APOOL: variants seen among roughly 807,000 people sequenced by gnomAD.
APOOL encodes the protein apolipoprotein O like, also known as MICOS complex subunit MIC27.
A neutral mutation model predicts 23.1 loss-of-function variants in APOOL; 12 were observed. The observed-to-expected ratio is 0.52, with a 90% CI of 0.33 to 0.84. The LOEUF (loss-of-function observed/expected upper bound fraction) is 0.84. APOOL is among the 40% of genes least tolerant of loss of function. The pLI is 0.02. For synonymous variants in APOOL, 77 were observed against 69.9 expected, an observed-to-expected ratio of 1.10 and a Z score of -0.51; for missense variants, 212 against 199.6, an observed-to-expected ratio of 1.06 and a Z score of -0.37.
intron 1 of APOOL, among the ~76,000 whole-genome samples, chrX:85,014,207 G>A (rs1222651162): frequency 3.6e-5 from 4 of 111,190 alleles, no homozygotes; most frequent in Non-Finnish European, 7.6e-5. Context: ...TTAAGTATAT[G>A]TGAGTCCTTA....
intron 3 of APOOL, 21 bp from the exon 4 acceptor site, chrX:85,054,323 C>T (rs765849247): frequency 2.6e-6 from 3 of 1,169,441 alleles, no homozygotes; most frequent in Non-Finnish European, 3.4e-6. Flanking sequence ...AGATGTCTTC[C>T]CCCCCTTTTT....
chrX:85,041,828 C>T (rs1922408127), intron 1 of APOOL, among the ~76,000 whole-genome samples: 1 of 110,522 alleles, frequency 9.0e-6, no homozygotes, highest in South Asian at 4.0e-4. Context: ...TGGTGAGGAG[C>T]CCCCCCTTGT....
At chrX:85,081,277 A>G (rs868405408) in intron 8 of APOOL, among the ~76,000 whole-genome samples, 1 of 111,761 alleles carries the variant, frequency 8.9e-6, no homozygotes, top group Middle Eastern at 4.6e-3. Context: ...CTTTTAAGAC[A>G]GGCCTGATGT....
Position 85,087,592 on chromosome X carries a change from G to C in APOOL, c.721G>C (p.Ala241Pro). ...TTTTCATTTTAATACTTTATCAGGT[G>C]CAACCCAGTTTATGCCTGACCCCAA... ...AKTKSESTSG[A>P]TQFMPDPKLM... The change falls in exon 9 of 9, where the codon GCA becomes CCA. Residue 241 changes from alanine (A) to proline (P), a missense_variant and splice_region_variant. Transcript: ENST00000373173. 1 of 1,195,436 alleles carries C rather than the reference G, an allele frequency of 8.4e-7. No homozygotes were observed. The highest frequency in any genetic ancestry group is 1.1e-6 in the Non-Finnish European group (1 of 887,438).
At chrX:85,082,768 A>G (rs1924157656) in intron 8 of APOOL, among the ~76,000 whole-genome samples, 2 of 112,075 alleles carry the variant, frequency 1.8e-5, no homozygotes, top group African/African-American at 6.5e-5. Flanking sequence ...AATATTTACT[A>G]CTGACCTTTT....
At chrX:85,057,968 C>A (rs951825286) in intron 5 of APOOL, among the ~76,000 whole-genome samples, 7 of 110,986 alleles carry the variant, frequency 6.3e-5, no homozygotes, top group Admixed American at 1.9e-4. Flanking sequence ...AATGTCAGAG[C>A]TAGAATAATC....
At chrX:85,027,198 C>A (rs1335034256) in intron 1 of APOOL, among the ~76,000 whole-genome samples, 1 of 110,678 alleles carries the variant, frequency 9.0e-6, no homozygotes, top group Non-Finnish European at 1.9e-5. Context: ...CAAGAGAAGT[C>A]GGGGGAGGGA....
At position 85,088,121 on chromosome X, in the gene APOOL, A is replaced by ATACATATTTATACATATATGT. The variant is rs1924397991; in HGVS notation, c.*443_*444insTACATATTTATACATATATGT. On this transcript the variant is annotated 3_prime_UTR_variant, in exon 9 of 9. Coordinates refer to ENST00000373173, the MANE Select transcript of APOOL (RefSeq NM_198450.6). ...ATACATATTTATACATATATGTATA[A>ATACATATTTATACATATATGT]ATACATACATATTTATACATATATG... 1 of 14,523 alleles carries ATACATATTTATACATATATGT rather than the reference A, an allele frequency of 6.9e-5. No individual in the cohort carries two copies. The highest frequency in any genetic ancestry group is 1.2e-4 in the Non-Finnish European group (1 of 8,638). 1.2% of individuals were successfully genotyped at this position (14,523 alleles called of 1,213,427 possible).
At chrX:85,007,041 G>T (rs756051457) in intron 1 of APOOL, among the ~76,000 whole-genome samples, 4 of 111,704 alleles carry the variant, frequency 3.6e-5, no homozygotes, top group Non-Finnish European at 7.5e-5. Context: ...AAGAACGGAG[G>T]AGGTAGAGGA....
chrX:85,034,327 C>T (rs1397704198), intron 1 of APOOL, among the ~76,000 whole-genome samples: 2 of 110,788 alleles, frequency 1.8e-5, no homozygotes, highest in East Asian at 2.8e-4. Context: ...GTAATAAAAC[C>T]GATTATTGAA....
At chrX:85,015,267 T>C (rs1047273446) in intron 1 of APOOL, among the ~76,000 whole-genome samples, 2 of 111,125 alleles carry the variant, frequency 1.8e-5, no homozygotes, top group African/African-American at 6.5e-5. Flanking sequence ...TTTTTCACCT[T>C]TCTGTGGTAT....
At chrX:85,047,016 A>G (rs1473921234) in intron 2 of APOOL, among the ~76,000 whole-genome samples, 1 of 111,057 alleles carries the variant, frequency 9.0e-6, no homozygotes, top group Admixed American at 9.7e-5. Context: ...ACTCTAGGTA[A>G]AGGAGCCTAA....
At chrX:85,034,398 GC>G (rs1922142483) in intron 1 of APOOL, among the ~76,000 whole-genome samples, 1 of 110,448 alleles carries the variant, frequency 9.1e-6, no homozygotes, top group Non-Finnish European at 1.9e-5. Flanking sequence ...ATAGAAATCA[GC>G]CTTATGTTTT....
intron 2 of APOOL, among the ~76,000 whole-genome samples, chrX:85,048,046 C>T (rs1922634346): frequency 9.0e-6 from 1 of 111,512 alleles, no homozygotes; most frequent in African/African-American, 3.2e-5. Context: ...ATATATACAT[C>T]TATAACCATT....
intron 6 of APOOL, among the ~76,000 whole-genome samples, chrX:85,069,993 G>A (rs756461981): frequency 9.0e-6 from 1 of 110,852 alleles, no homozygotes; most frequent in African/African-American, 3.3e-5. Flanking sequence ...GTTACATTTA[G>A]ACTGTTTAAT....
rs950301537 is a variant in APOOL, at chrX:85,091,430, T to C, written c.*3752T>C. 1.8e-5 allele frequency: 2 copies of C among 112,052 alleles called. No homozygotes were observed. The highest frequency in any genetic ancestry group is 3.8e-5 in the Non-Finnish European group (2 of 53,255). The allele number at this position is 112,052 out of a possible 1,213,427, so 9.2% of individuals were successfully genotyped here. On this transcript the variant is annotated 3_prime_UTR_variant, in exon 9 of 9. Coordinates refer to ENST00000373173, the MANE Select transcript of APOOL (RefSeq NM_198450.6). The stretch of plus-strand genomic sequence containing the variant: ...GCTGGTATTTACAGATATGGTACTT[T>C]ACACAATTTATGTAATTAATATTTT...
intron 1 of APOOL, among the ~76,000 whole-genome samples, chrX:85,041,606 C>G (rs1307801051): frequency 9.0e-6 from 1 of 111,193 alleles, no homozygotes; most frequent in Non-Finnish European, 1.9e-5. Context: ...AGCTATGTAG[C>G]TGGTGCAAGA....
chrX:85,072,886 G>A (rs886475252), intron 6 of APOOL, among the ~76,000 whole-genome samples: 2 of 111,863 alleles, frequency 1.8e-5, no homozygotes, highest in African/African-American at 6.5e-5. Flanking sequence ...AATTGAGATT[G>A]TATTGTATAA....
At chrX:85,069,030 C>G (rs1293670170) in intron 6 of APOOL, among the ~76,000 whole-genome samples, 4 of 111,567 alleles carry the variant, frequency 3.6e-5, no homozygotes, top group Non-Finnish European at 7.5e-5. Flanking sequence ...AATTGCTGAA[C>G]TTCAAATAAA....
Sources: gnomAD v4.1 joint callset for allele counts (sites outside exome capture counted in the v4.1 genomes callset) on GRCh38, gnomAD v4.1.1 for gene constraint, MANE v1.5 for transcripts, NCBI Gene and HGNC (gene_info 2026-07-23, HGNC 2026-07-21) for gene names.